The following KCTD1 variants were observed in gnomAD, a reference collection of about 807,000 sequenced individuals.
KCTD1 encodes the protein BTB/POZ domain-containing protein KCTD1.
A neutral mutation model predicts 66.0 loss-of-function variants in KCTD1; 24 were observed. The ratio of observed to expected loss-of-function variants is 0.36; its 90% CI spans 0.26 to 0.51. KCTD1 has a LOEUF of 0.51. KCTD1 is among the 20% of genes least tolerant of loss of function. The probability of loss-of-function intolerance (pLI) is 0.95; values close to 1 mark genes in which losing one functional copy is unlikely to be tolerated. For missense variants in KCTD1, 943 were observed against 1,205.2 expected, an observed-to-expected ratio of 0.78 and a Z score of 3.22; for synonymous variants, 511 against 517.2, an observed-to-expected ratio of 0.99 and a Z score of 0.16.
chr18:26,636,180 A>G (rs1987719518), intron 1 of KCTD1, among the ~76,000 whole-genome samples: 2 of 152,100 alleles, frequency 1.3e-5, no homozygotes, highest in South Asian at 4.2e-4. Flanking sequence ...GTGAAGAGAG[A>G]AGCAATAGTC....
chr18:26,567,826 A>G (rs548154881), intron 1 of KCTD1, among the ~76,000 whole-genome samples: 62 of 152,118 alleles, frequency 4.1e-4, no homozygotes, highest in Admixed American at 2.2e-3. Flanking sequence ...CAGTAAATAG[A>G]AACTTTGAAG....
At chr18:26,589,168 G>C (rs1156423485) in intron 1 of KCTD1, among the ~76,000 whole-genome samples, 2 of 152,192 alleles carry the variant, frequency 1.3e-5, no homozygotes, top group East Asian at 3.8e-4. Flanking sequence ...ACCTGGGGGA[G>C]GACAGGATGG....
At chr18:26,613,778 T>C (rs1348992243) in intron 1 of KCTD1, among the ~76,000 whole-genome samples, 3 of 152,244 alleles carry the variant, frequency 2.0e-5, no homozygotes, top group Non-Finnish European at 4.4e-5. Flanking sequence ...TGACAGAATG[T>C]GCTGAAAACA....
chr18:26,597,423 T>C (rs1336723839), intron 1 of KCTD1, among the ~76,000 whole-genome samples: 1 of 152,150 alleles, frequency 6.6e-6, no homozygotes, highest in African/African-American at 2.4e-5. Flanking sequence ...TAATATCCTG[T>C]ATCATATAGG....
chr18:26,479,075 A>G (rs1981490955), intron 2 of KCTD1, among the ~76,000 whole-genome samples: 1 of 152,276 alleles, frequency 6.6e-6, no homozygotes, highest in African/African-American at 2.4e-5. Context: ...TCGGGTGTGG[A>G]TGCAATGAGG....
chr18:26,507,615 G>C (rs770533417), intron 1 of KCTD1, among the ~76,000 whole-genome samples: 6 of 151,982 alleles, frequency 3.9e-5, no homozygotes, highest in Non-Finnish European at 8.8e-5. Context: ...GGCCTCAAGT[G>C]ATCAAATGCC....
At chr18:26,558,716 G>A (rs534993542) in intron 1 of KCTD1, among the ~76,000 whole-genome samples, 22 of 152,282 alleles carry the variant, frequency 1.4e-4, no homozygotes, top group Admixed American at 2.6e-4. Flanking sequence ...GAGGTCAAGA[G>A]ATCGAGACCA....
intron 1 of KCTD1, among the ~76,000 whole-genome samples, chr18:26,610,910 T>C (rs1987124192): frequency 6.6e-6 from 1 of 152,246 alleles, no homozygotes; most frequent in Admixed American, 6.5e-5. Context: ...TATGAGCAAT[T>C]TGACTAGGAC....
At chr18:26,485,776 T>C (rs957651116) in intron 2 of KCTD1, among the ~76,000 whole-genome samples, 1 of 152,180 alleles carries the variant, frequency 6.6e-6, no homozygotes, top group Non-Finnish European at 1.5e-5. Flanking sequence ...TTGGAGGTAT[T>C]TCTGATACAC....
chr18:26,641,225 C>T (rs949632279), upstream of KCTD1, among the ~76,000 whole-genome samples: 6 of 152,168 alleles, frequency 3.9e-5, no homozygotes, highest in Admixed American at 3.9e-4. Flanking sequence ...TGTCATTTAC[C>T]ACGTTTCCCC....
chr18:26,457,031 A>ATTT (rs1453041171), intron 4 of KCTD1: 1 of 151,714 alleles, frequency 6.6e-6, no homozygotes, highest in African/African-American at 2.4e-5. Flanking sequence ...AAAAAGTATT[A>ATTT]TTTTTTAGTT....
intron 1 of KCTD1, among the ~76,000 whole-genome samples, chr18:26,537,723 G>C (rs1984774605): frequency 6.6e-6 from 1 of 152,200 alleles, no homozygotes. Context: ...GAAATTAAGA[G>C]ATTTATGTAG....
intron 1 of KCTD1, among the ~76,000 whole-genome samples, chr18:26,515,893 A>T (rs1315277878): frequency 1.3e-5 from 2 of 152,172 alleles, no homozygotes; most frequent in African/African-American, 4.8e-5. Flanking sequence ...TGGGCGGCAG[A>T]ATTTCTTTGG....
intron 1 of KCTD1, among the ~76,000 whole-genome samples, chr18:26,627,995 C>T (rs1167398657): frequency 6.6e-6 from 1 of 152,116 alleles, no homozygotes; most frequent in Non-Finnish European, 1.5e-5. Context: ...TGCCTTGGCC[C>T]CCACCCCAGT....
At chr18:26,656,878 G>GC (rs1988160526) in intron 1 of KCTD1, among the ~76,000 whole-genome samples, 1 of 147,384 alleles carries the variant, frequency 6.8e-6, no homozygotes, top group African/African-American at 2.5e-5. Context: ...AAAGGGACGC[G>GC]CGGGGCTCGG....
chr18:26,507,049 C>G (rs1983076776), intron 1 of KCTD1, among the ~76,000 whole-genome samples: 1 of 152,046 alleles, frequency 6.6e-6, no homozygotes, highest in African/African-American at 2.4e-5. Flanking sequence ...GCCTGTAATC[C>G]CAGCTACTCG....
chr18:26,578,167 T>C (rs142671194), intron 1 of KCTD1, among the ~76,000 whole-genome samples: 1,938 of 149,390 alleles, frequency 0.013, 46 homozygotes, highest in African/African-American at 0.046. Context: ...AGCGATCTCC[T>C]GCCTCAGCCT....
rs1001452601 is a variant in KCTD1 at position 26,455,295 on chromosome 18, GTTTGT to G, written c.*443_*447del. On this transcript the variant is annotated 3_prime_UTR_variant, in exon 5 of 5. Transcript: ENST00000580059. Reference sequence around the variant, plus strand: ...AAACAAACTTGATTCAAGGTGTTTTGTTTGTTTTGTTTTTTTAAAAAAAAAGGAAA... The same window carrying G: ...AAACAAACTTGATTCAAGGTGTTTTGTTTGTTTTTTTAAAAAAAAAGGAAA... 9.2e-5 allele frequency: 14 copies of G among 152,696 alleles called. 1 individual carries two copies. Among genetic ancestry groups the G allele is most frequent in the Non-Finnish European group, 2.9e-5 (2 of 68,356 alleles). The allele number at this position is 152,696 out of a possible 1,614,324, so 9.5% of individuals were successfully genotyped here.
chr18:26,551,083 A>AC (rs1985549277), upstream of KCTD1, among the ~76,000 whole-genome samples: 2 of 151,712 alleles, frequency 1.3e-5, no homozygotes, highest in African/African-American at 2.4e-5. Flanking sequence ...GGCGGGGTCC[A>AC]CCCCCCTCCC....
Sources: gnomAD v4.1 joint callset for allele counts (sites outside exome capture counted in the v4.1 genomes callset) on GRCh38, gnomAD v4.1.1 for gene constraint, MANE v1.5 for transcripts, NCBI Gene and HGNC (gene_info 2026-07-23, HGNC 2026-07-21) for gene names.